Variants in DNAAF5 observed in about 807,000 individuals in gnomAD.
DNAAF5 encodes dynein axonemal assembly factor 5, also known as HEAT repeat containing 2.
A neutral mutation model predicts 75.8 loss-of-function variants in DNAAF5; 64 were observed. The observed-to-expected ratio is 0.84, with a 90% confidence interval of 0.69 to 1.04. The LOEUF is 1.04. Among genes scored for constraint, DNAAF5 ranks in the 50% least tolerant of loss-of-function variants. DNAAF5 has a pLI of 0.00. For synonymous variants in DNAAF5, 657 were observed against 557.2 expected, an observed-to-expected ratio of 1.18 and a Z score of -2.52; for missense variants, 1,269 against 1,178.5, an observed-to-expected ratio of 1.08 and a Z score of -1.12.
chr7:743,839 A>G (rs990340878), intron 4 of DNAAF5, among the ~76,000 whole-genome samples: 5 of 150,332 alleles, frequency 3.3e-5, no homozygotes, highest in Non-Finnish European at 5.9e-5. Flanking sequence ...ATATTTATTT[A>G]TTTATTTTTG....
At chr7:743,642 CTT>C (rs1204447328) in intron 4 of DNAAF5, among the ~76,000 whole-genome samples, 6 of 123,732 alleles carry the variant, frequency 4.8e-5, no homozygotes, top group Admixed American at 1.8e-4. Context: ...AACGCTCGAT[CTT>C]TTTTTTTTTT....
At chr7:727,401 G>A (rs1562370000) in intron 1 of DNAAF5, 86 bp downstream of exon 1, 3 of 648,088 alleles carry the variant, frequency 4.6e-6, no homozygotes, top group African/African-American at 3.6e-5. Context: ...CAACCCCCGC[G>A]GCTCGGCCCC....
chr7:782,156 C>G (rs1778972474), intron 12 of DNAAF5, among the ~76,000 whole-genome samples: 1 of 152,116 alleles, frequency 6.6e-6, no homozygotes, highest in Non-Finnish European at 1.5e-5. Flanking sequence ...AAACTCGGAT[C>G]TTCGCGGCGT....
chr7:737,221 G>A lies in DNAAF5; in HGVS notation c.781-3598G>A, dbSNP rs189920621. Among the ~76,000 whole-genome samples, 710 of 151,964 alleles carry A rather than the reference G, an allele frequency of 4.7e-3. 8 individuals are homozygous for A. The highest frequency in any genetic ancestry group is 0.016 in the African/African-American group (679 of 41,416). ...AGCGATTCTCCTGCCTCAGCCTCCC[G>A]AGTAGCTGGGACTACAGGCACCCAC... On this transcript the variant is annotated intron_variant, in intron 2 of 12. Coordinates refer to ENST00000297440, the MANE Select transcript of DNAAF5 (RefSeq NM_017802.4).
chr7:737,296 A>G (rs1422065719), intron 2 of DNAAF5, among the ~76,000 whole-genome samples: 2 of 152,086 alleles, frequency 1.3e-5, no homozygotes, highest in South Asian at 2.1e-4. Flanking sequence ...AGGTTTCATC[A>G]TGTTGGCCAG....
intron 8 of DNAAF5, among the ~76,000 whole-genome samples, chr7:765,685 ATAAAACTGTATG>A (rs1002835980): frequency 6.6e-6 from 1 of 152,200 alleles, no homozygotes; most frequent in Admixed American, 6.5e-5. Flanking sequence ...AGAGCTGGGT[ATAAAACTGTATG>A]GGTTTTTTTG....
At chr7:773,144 C>T (rs527358326) in intron 9 of DNAAF5, among the ~76,000 whole-genome samples, 1 of 152,216 alleles carries the variant, frequency 6.6e-6, no homozygotes, top group Admixed American at 6.5e-5. Flanking sequence ...AGTCACGGTG[C>T]CGAAAATGGC....
chr7:733,290 C>T (rs944521887), intron 2 of DNAAF5, among the ~76,000 whole-genome samples: 7 of 152,066 alleles, frequency 4.6e-5, no homozygotes, highest in Admixed American at 1.3e-4. Flanking sequence ...CAACGTCTTT[C>T]GAGGTTCCAT....
In DNAAF5 at chr7:760,807, G is replaced by A. The variant is rs117230974; in HGVS notation, c.1471-946G>A. Among the ~76,000 whole-genome samples, 1,331 of 152,304 alleles carry A rather than the reference G, an allele frequency of 8.7e-3. 10 individuals carry two copies. The highest frequency in any genetic ancestry group is 0.014 in the African/African-American group (586 of 41,552). ...CGGGAGGGGAAGCCATTCATCCAGC[G>A]CAGCCGTAGGTGCAGAGCTGAGACT... is the stretch of plus-strand genomic sequence containing the variant. On this transcript the variant is annotated intron_variant, in intron 6 of 12. Transcript: ENST00000297440.
chr7:739,605 G>A lies in DNAAF5; in HGVS notation c.781-1214G>A, dbSNP rs75211718. 8.4e-3 allele frequency among the ~76,000 whole-genome samples: 1,273 copies of A among 152,302 alleles called. 16 individuals carry two copies. The highest frequency in any genetic ancestry group is 0.013 in the Non-Finnish European group (904 of 68,008). Reference sequence around the variant, plus strand: ...CCCTGCTGCTCGCACGCCGAGAGTCGCCTGTGCGCACCGCACGGGCAGCGG... The same window carrying A: ...CCCTGCTGCTCGCACGCCGAGAGTCACCTGTGCGCACCGCACGGGCAGCGG... On this transcript the variant is annotated intron_variant, in intron 2 of 12. Transcript: ENST00000297440.
chr7:733,207 G>A (rs777923792), intron 2 of DNAAF5, among the ~76,000 whole-genome samples: 4 of 152,172 alleles, frequency 2.6e-5, no homozygotes, highest in South Asian at 2.1e-4. Flanking sequence ...TTGAAGTCAG[G>A]TAATGTGATC....
Position 726,851 on chromosome 7 carries a change from C to G in DNAAF5, c.131C>G (p.Pro44Arg). 1 of 1,319,036 alleles carries G rather than the reference C, an allele frequency of 7.6e-7. No homozygotes were observed. Among genetic ancestry groups the G allele is most frequent in the Non-Finnish European group, 9.6e-7 (1 of 1,037,376 alleles). The allele number at this position is 1,319,036 out of a possible 1,614,324, so 81.7% of individuals were successfully genotyped here. ...LLPGLEADSK[P>R]GRRRALEALR... ...CCGGGGCTGGAGGCCGACAGCAAGC[C>G]GGGCCGGCGGCGCGCCTTGGAGGCC... Residue 44 changes from proline to arginine, a missense_variant, in exon 1 of 13, where the codon CCG (proline) becomes CGG (arginine). Transcript: ENST00000297440.
Position 763,862 on chromosome 7 carries a change from C to A in DNAAF5, c.1671C>A (p.Asp557Glu). The stretch of plus-strand genomic sequence containing the variant: ...TGGAGGGTGTCAGCAGCTGCCAGGA[C>A]CTCTACCGCAAGCACATTGGTCCCC... ...AMVEGVSSCQ[D>E]LYRKHIGPLL... The change falls in exon 8 of 13, where the codon GAC (aspartate) becomes GAA (glutamate). Residue 557 changes from aspartate to glutamate, a missense_variant. By Grantham distance (45) the Asp-to-Glu change is conservative. Transcript: ENST00000297440. The A allele has an allele frequency of 6.2e-7, 1 of 1,613,452 alleles. No individual in the cohort carries two copies. Among genetic ancestry groups the A allele is most frequent in the Non-Finnish European group, 8.5e-7 (1 of 1,180,038 alleles).
At chr7:761,539 G>A (rs1428085477) in intron 6 of DNAAF5, among the ~76,000 whole-genome samples, 1 of 152,260 alleles carries the variant, frequency 6.6e-6, no homozygotes, top group Non-Finnish European at 1.5e-5. Context: ...GAGAGAGTGT[G>A]CAGGGGAACT....
At chr7:759,299 A>C (rs1782574746) in intron 6 of DNAAF5, among the ~76,000 whole-genome samples, 1 of 152,228 alleles carries the variant, frequency 6.6e-6, no homozygotes, top group African/African-American at 2.4e-5. Flanking sequence ...TGGGGTTCAC[A>C]GGAAATCTGG....
At chr7:733,573 T>G (rs1781649039) in intron 2 of DNAAF5, among the ~76,000 whole-genome samples, 1 of 152,196 alleles carries the variant, frequency 6.6e-6, no homozygotes, top group Non-Finnish European at 1.5e-5. Context: ...CTCTGCTTAC[T>G]GCAAGCTCCG....
At chr7:740,136 C>T (rs898284070) in intron 2 of DNAAF5, among the ~76,000 whole-genome samples, 1 of 152,226 alleles carries the variant, frequency 6.6e-6, no homozygotes, top group East Asian at 1.9e-4. Flanking sequence ...CACCTGGCTT[C>T]TTCCTGGCCG....
At chr7:783,589 G>A (rs550992420) in intron 12 of DNAAF5, among the ~76,000 whole-genome samples, 17 of 152,332 alleles carry the variant, frequency 1.1e-4, no homozygotes, top group African/African-American at 4.1e-4. Flanking sequence ...GGCGGGGCCC[G>A]TGGTCTCTCC....
chr7:734,283 G>A (rs1781667730), intron 2 of DNAAF5, among the ~76,000 whole-genome samples: 1 of 152,104 alleles, frequency 6.6e-6, no homozygotes, highest in Admixed American at 6.6e-5. Context: ...TCTATACCCA[G>A]TTTTTTGAAG....
Sources: gnomAD v4.1 joint callset for allele counts (sites outside exome capture counted in the v4.1 genomes callset) on GRCh38, gnomAD v4.1.1 for gene constraint, MANE v1.5 for transcripts, NCBI Gene and HGNC (gene_info 2026-07-23, HGNC 2026-07-21) for gene names.